NAA15: variants seen among roughly 807,000 people sequenced by gnomAD.
NAA15 encodes N-alpha-acetyltransferase 15, NatA auxiliary subunit, also known as N-terminal acetyltransferase.
A neutral mutation model predicts 114.0 loss-of-function variants in NAA15; 34 were observed. That is an observed-to-expected ratio of 0.30 (90% confidence interval 0.23 to 0.40). The LOEUF (loss-of-function observed/expected upper bound fraction) is 0.40, where lower values mean the gene tolerates loss of function less well. Among genes scored for constraint, NAA15 ranks in the 10% least tolerant of loss-of-function variants. NAA15 has a pLI of 1.00. For missense variants in NAA15, 658 were observed against 1,004.5 expected (o/e 0.66, Z 4.66); for synonymous variants, 340 against 338.0 (o/e 1.01, Z -0.06).
chr4:139,348,795 A>C (rs1747684792), intron 6 of NAA15, among the ~76,000 whole-genome samples: 1 of 152,170 alleles, frequency 6.6e-6, no homozygotes, highest in Non-Finnish European at 1.5e-5. Flanking sequence ...AGGTTTTAAG[A>C]TTGATTTTTG....
At position 139,361,872 on chromosome 4, in the gene NAA15, A is replaced by G. The variant is rs1214894742; in HGVS notation, c.1688A>G (p.Glu563Gly). 2 of 1,613,678 alleles carry G rather than the reference A, an allele frequency of 1.2e-6. No individual in the cohort carries two copies. Among genetic ancestry groups the G allele is most frequent in the African/African-American group, 1.3e-5 (1 of 74,918 alleles). ...TTCAAGGCAGCAAGAATTGCTATAGAGATCTATTTGAAGCTTCATGACAAC... is the reference window on the plus strand; with the variant it reads ...TTCAAGGCAGCAAGAATTGCTATAGGGATCTATTTGAAGCTTCATGACAAC... ...FYFKAARIAIEIYLKLHDNPL... is the reference protein window; with the variant it reads ...FYFKAARIAIGIYLKLHDNPL... The change falls in exon 14 of 20, where the codon GAG becomes GGG. Residue 563 changes from glutamate (E) to glycine (G), a missense_variant. Glu to Gly is a moderately conservative substitution (Grantham distance 98, BLOSUM62 -2). Around this residue, in one of 6 missense-constraint regions of NAA15, gnomAD observed 275 missense variants for 371.1 expected, o/e 0.74. Coordinates refer to ENST00000296543, the MANE Select transcript of NAA15 (RefSeq NM_057175.5).
chr4:139,352,237 T>C (rs995916878), intron 9 of NAA15, among the ~76,000 whole-genome samples: 16 of 152,026 alleles, frequency 1.1e-4, no homozygotes, highest in Admixed American at 7.2e-4. Context: ...GCCTCCCAAC[T>C]AGCTGGGATT....
At chr4:139,380,921 T>C (rs986120492) in intron 17 of NAA15, among the ~76,000 whole-genome samples, 4 of 152,220 alleles carry the variant, frequency 2.6e-5, no homozygotes, top group African/African-American at 9.6e-5. Context: ...TAAAAAAATA[T>C]GTAATTTAGA....
intron 1 of NAA15, among the ~76,000 whole-genome samples, chr4:139,330,443 C>T (rs575228390): frequency 6.6e-6 from 1 of 152,310 alleles, no homozygotes; most frequent in South Asian, 2.1e-4. Context: ...ATCACTGTGC[C>T]TGCTGAATGC....
intron 1 of NAA15, among the ~76,000 whole-genome samples, chr4:139,310,314 C>A (rs963009244): frequency 2.7e-5 from 4 of 150,896 alleles, no homozygotes; most frequent in African/African-American, 9.8e-5. Context: ...ATTAGCCGGG[C>A]GTAGTGGCGG....
chr4:139,322,389 A>G (rs568703126), intron 1 of NAA15, among the ~76,000 whole-genome samples: 52 of 152,358 alleles, frequency 3.4e-4, no homozygotes, highest in Admixed American at 2.4e-3. Flanking sequence ...TGTAAGTCCA[A>G]TAAACCTCTT....
chr4:139,329,693 T>A lies in NAA15; in HGVS notation c.55-4481T>A, dbSNP rs552264023. The stretch of plus-strand genomic sequence containing the variant: ...GTTAAACTTAATGCGTCCTCATCAT[T>A]CTTTGTCTGGCCTTGTTATGTTTCA... On this transcript the variant is annotated intron_variant, in intron 1 of 19. Coordinates refer to ENST00000296543, the MANE Select transcript of NAA15 (RefSeq NM_057175.5). 1.4e-4 allele frequency among the ~76,000 whole-genome samples: 22 copies of A among 152,350 alleles called. No homozygotes were observed. In the East Asian group the frequency reaches 3.9e-3, roughly 27 times the overall value.
intron 15 of NAA15, among the ~76,000 whole-genome samples, chr4:139,372,341 G>C (rs1748465326): frequency 6.6e-6 from 1 of 152,136 alleles, no homozygotes; most frequent in Non-Finnish European, 1.5e-5. Context: ...TTGGGTCCAG[G>C]GTGTCATAAT....
intron 14 of NAA15, among the ~76,000 whole-genome samples, chr4:139,367,692 G>A (rs1431744870): frequency 9.2e-5 from 14 of 152,156 alleles, no homozygotes; most frequent in Non-Finnish European, 7.3e-5. Flanking sequence ...GTAATGCCAA[G>A]CCCCTTTGCC....
At chr4:139,370,494 C>A in intron 15 of NAA15, 90 bp downstream of exon 15, 3 of 1,244,444 alleles carry the variant, frequency 2.4e-6, no homozygotes, top group Non-Finnish European at 3.2e-6. Context: ...AGTATATAAC[C>A]TTATGTGATA....
Position 139,320,278 on chromosome 4 carries a change from TC to T in NAA15, c.55-13895del, listed in dbSNP as rs148744618. On this transcript the variant is annotated intron_variant, in intron 1 of 19. Transcript: ENST00000296543. ...TGTTGTTCTAATGTCAGTTTATTTT[TC>T]AACATCTTTGCAGTCCTATTTGGGT... 1.8e-4 allele frequency among the ~76,000 whole-genome samples: 28 copies of T among 152,336 alleles called. No individual in the cohort carries two copies. The East Asian group carries it at 5.4e-3, about 29-fold the overall frequency.
At chr4:139,312,405 C>T (rs1020739895) in intron 1 of NAA15, among the ~76,000 whole-genome samples, 2 of 151,882 alleles carry the variant, frequency 1.3e-5, no homozygotes, top group Non-Finnish European at 2.9e-5. Context: ...ACATGCTGTA[C>T]AAACTTGTAT....
At chr4:139,373,567 G>T (rs532307725) in intron 15 of NAA15, among the ~76,000 whole-genome samples, 2 of 152,256 alleles carry the variant, frequency 1.3e-5, no homozygotes, top group East Asian at 3.9e-4. Context: ...TAAATCTCAG[G>T]TCTTGGCAGA....
At chr4:139,361,415 TTA>T (rs549920575) in intron 13 of NAA15, among the ~76,000 whole-genome samples, 37 of 152,150 alleles carry the variant, frequency 2.4e-4, no homozygotes, top group Non-Finnish European at 4.4e-4. Flanking sequence ...TGTAAATAAA[TTA>T]TGTTTGATGT....
chr4:139,311,912 GC>G (rs1228786467), intron 1 of NAA15, among the ~76,000 whole-genome samples: 1 of 151,734 alleles, frequency 6.6e-6, no homozygotes, highest in Non-Finnish European at 1.5e-5. Context: ...TGATTATTGC[GC>G]CTGTGAATTG....
At chr4:139,378,477 G>T (rs1748652409) in intron 16 of NAA15, among the ~76,000 whole-genome samples, 1 of 152,196 alleles carries the variant, frequency 6.6e-6, no homozygotes, top group Non-Finnish European at 1.5e-5. Flanking sequence ...GTTAGGAAAT[G>T]AAGGCACTTC....
At chr4:139,338,867 G>A (rs574187465) in intron 3 of NAA15, among the ~76,000 whole-genome samples, 10 of 152,056 alleles carry the variant, frequency 6.6e-5, no homozygotes, top group African/African-American at 2.4e-4. Flanking sequence ...CTAGAGTGCA[G>A]TGGTGTGATC....
intron 1 of NAA15, among the ~76,000 whole-genome samples, chr4:139,308,896 C>A (rs907468965): frequency 6.6e-6 from 1 of 151,670 alleles, no homozygotes; most frequent in Non-Finnish European, 1.5e-5. Flanking sequence ...GGATTACAGG[C>A]GTGAGCCACC....
At chr4:139,322,533 G>A (rs1222289242) in intron 1 of NAA15, among the ~76,000 whole-genome samples, 4 of 152,102 alleles carry the variant, frequency 2.6e-5, no homozygotes, top group Admixed American at 6.6e-5. Flanking sequence ...AGTCTTTAAC[G>A]TAGTCTCTTA....
Sources: allele counts gnomAD v4.1 joint callset (sites outside exome capture counted in the v4.1 genomes callset), GRCh38; gene constraint gnomAD v4.1.1; regional missense constraint gnomAD v4.1.1; transcripts MANE v1.5; gene names NCBI Gene and HGNC (gene_info 2026-07-23, HGNC 2026-07-21).